Variants in CMC1 observed in about 807,000 individuals in gnomAD.
The protein encoded by CMC1 is C-X9-C motif containing 1.
A neutral mutation model predicts 14.1 loss-of-function variants in CMC1; 14 were observed. The observed-to-expected ratio is 0.99, with a 90% CI of 0.66 to 1.55. The LOEUF (loss-of-function observed/expected upper bound fraction) is 1.55, where lower values mean the gene tolerates loss of function less well. Ranked by LOEUF, CMC1 falls within the 40% of genes most tolerant of loss-of-function variation. The pLI is 0.00. For missense variants in CMC1, 127 were observed against 123.8 expected (o/e 1.03, Z -0.12); for synonymous variants, 50 against 38.4 (o/e 1.30, Z -1.12).
rs1267805030 is a variant in CMC1 at position 28,241,754 on chromosome 3, C to T, written c.-40C>T. ...CCTCCACTCCCCTTCCTGCGTGCCC[C>T]GGAGCCGCCAAGCGGCTACGTTCTT... is the stretch of plus-strand genomic sequence containing the variant. On this transcript the variant is annotated 5_prime_UTR_variant, in exon 1 of 4. Coordinates refer to ENST00000466830, the MANE Select transcript of CMC1 (RefSeq NM_182523.2). The T allele has an allele frequency of 8.1e-7, 1 of 1,241,822 alleles. No individual in the cohort carries two copies. Among genetic ancestry groups the T allele is most frequent in the Non-Finnish European group, 1.0e-6 (1 of 988,090 alleles). 76.9% of individuals were successfully genotyped at this position (1,241,822 alleles called of 1,614,324 possible). A position where few individuals can be genotyped will look rare whatever the true frequency, so the allele number is the denominator to read the frequency against.
At position 28,319,878 on chromosome 3, in the gene CMC1, C is replaced by T. The variant is rs1703131536; in HGVS notation, c.*249C>T. 3 of 279,464 alleles carry T rather than the reference C, an allele frequency of 1.1e-5. No homozygotes were observed. The East Asian group carries it at 2.2e-4, about 20-fold the overall frequency. 17.3% of individuals were successfully genotyped at this position (279,464 alleles called of 1,614,324 possible). A position where few individuals can be genotyped will look rare whatever the true frequency, so the allele number is the denominator to read the frequency against. ...TTTTCCCACAACTATAGTTCTATAA[C>T]AGTGATACTGATTTTTTAGAGTTCA... is the stretch of plus-strand genomic sequence containing the variant. On this transcript the variant is annotated 3_prime_UTR_variant, in exon 4 of 4. Coordinates refer to ENST00000466830, the MANE Select transcript of CMC1 (RefSeq NM_182523.2).
chr3:28,269,737 T>A (rs887963094), intron 2 of CMC1, among the ~76,000 whole-genome samples: 16 of 152,140 alleles, frequency 1.1e-4, no homozygotes, highest in African/African-American at 3.9e-4. Flanking sequence ...CGCTAATGTT[T>A]GTATTTTTAG....
Position 28,270,348 on chromosome 3 carries a change from A to G in CMC1, c.109+6968A>G, listed in dbSNP as rs571411062. Among the ~76,000 whole-genome samples the G allele has an allele frequency of 4.6e-5, 7 of 152,310 alleles. 1 individual carries two copies. The South Asian group carries it at 6.2e-4, about 14-fold the overall frequency. ...AGGAATCACCACACTGTCTTCCACA[A>G]TGGTTGAACTAATTTACATTCCCAC... On this transcript the variant is annotated intron_variant, in intron 2 of 3. Coordinates refer to ENST00000466830, the MANE Select transcript of CMC1 (RefSeq NM_182523.2).
At chr3:28,248,813 A>G (rs12639400) in intron 1 of CMC1, among the ~76,000 whole-genome samples, 10,336 of 152,152 alleles carry the variant, frequency 0.068, 503 homozygotes, top group South Asian at 0.2. Context: ...TTTTTGAGAC[A>G]GAGTCTCGCT....
At chr3:28,292,214 C>T (rs1311769463) in intron 2 of CMC1, among the ~76,000 whole-genome samples, 1 of 152,028 alleles carries the variant, frequency 6.6e-6, no homozygotes, top group Non-Finnish European at 1.5e-5. Flanking sequence ...ATAATACTAT[C>T]ACCCTTTTAT....
chr3:28,280,002 A>G (rs1700796967), intron 2 of CMC1, among the ~76,000 whole-genome samples: 1 of 152,250 alleles, frequency 6.6e-6, no homozygotes, highest in Non-Finnish European at 1.5e-5. Context: ...AAAATTGAAA[A>G]TAGCCCAGAT....
At chr3:28,275,049 C>G (rs1461243213) in intron 2 of CMC1, among the ~76,000 whole-genome samples, 2 of 152,030 alleles carry the variant, frequency 1.3e-5, no homozygotes, top group Non-Finnish European at 2.9e-5. Context: ...CTCCGTTAGC[C>G]CAGTGAAGTT....
rs56153777 is a variant in CMC1 at position 28,258,060 on chromosome 3, T to TTATATATATATATA, written c.20-5218_20-5205dup. Among the ~76,000 whole-genome samples the TTATATATATATATA allele has an allele frequency of 4.4e-3, 593 of 135,340 alleles. 3 individuals are homozygous for TTATATATATATATA. Among genetic ancestry groups the TTATATATATATATA allele is most frequent in the East Asian group, 0.021 (98 of 4,758 alleles). The allele number at this position is 135,340 out of a possible 152,430, so 88.8% of individuals were successfully genotyped here. On this transcript the variant is annotated intron_variant, in intron 1 of 3. Coordinates refer to ENST00000466830, the MANE Select transcript of CMC1 (RefSeq NM_182523.2). ...TCTTGATTAATGATTTTGAGCACCT[T>TTATATATATATATA]TATATATATATATATATATATATAT...
intron 1 of CMC1, among the ~76,000 whole-genome samples, chr3:28,262,034 T>C (rs1699762923): frequency 6.6e-6 from 1 of 152,204 alleles, no homozygotes; most frequent in Non-Finnish European, 1.5e-5. Context: ...TATATCTGAA[T>C]GTCCTTAACC....
intron 2 of CMC1, among the ~76,000 whole-genome samples, chr3:28,297,506 G>A (rs76908570): frequency 0.013 from 2,039 of 152,152 alleles, 23 homozygotes; most frequent in Middle Eastern, 0.031. Context: ...TGCTTTAATA[G>A]TTGTTGAGTG....
At chr3:28,302,553 A>G (rs1335446218) in intron 2 of CMC1, among the ~76,000 whole-genome samples, 5 of 152,222 alleles carry the variant, frequency 3.3e-5, no homozygotes, top group Admixed American at 3.3e-4. Context: ...AAATTCTGGT[A>G]GCACTTAATA....
At chr3:28,246,108 G>A (rs994263900) in intron 1 of CMC1, among the ~76,000 whole-genome samples, 2 of 150,978 alleles carry the variant, frequency 1.3e-5, no homozygotes, top group East Asian at 3.9e-4. Flanking sequence ...TGGCCTATAA[G>A]AAAAATTTTG....
At chr3:28,246,583 A>G (rs1457479065) in intron 1 of CMC1, among the ~76,000 whole-genome samples, 1 of 152,138 alleles carries the variant, frequency 6.6e-6, no homozygotes, top group Non-Finnish European at 1.5e-5. Flanking sequence ...CACATACTGC[A>G]TACATGATGT....
intron 2 of CMC1, among the ~76,000 whole-genome samples, chr3:28,274,746 C>G (rs185598797): frequency 1.3e-5 from 2 of 151,468 alleles, no homozygotes; most frequent in Non-Finnish European, 2.9e-5. Context: ...TTTCAGGTAC[C>G]TTAATCAGTC....
At chr3:28,270,554 T>C (rs1234188321) in intron 2 of CMC1, among the ~76,000 whole-genome samples, 1 of 152,196 alleles carries the variant, frequency 6.6e-6, no homozygotes, top group Non-Finnish European at 1.5e-5. Flanking sequence ...ATAAAGGTCT[T>C]GAAAAGTGTC....
At chr3:28,281,022 A>G (rs147337808) in intron 2 of CMC1, among the ~76,000 whole-genome samples, 1 of 152,318 alleles carries the variant, frequency 6.6e-6, no homozygotes, top group East Asian at 1.9e-4. Flanking sequence ...TATGGCCTAC[A>G]AAGCCTAAAA....
chr3:28,310,244 AT>A (rs1179312432), intron 2 of CMC1, among the ~76,000 whole-genome samples: 1 of 152,202 alleles, frequency 6.6e-6, no homozygotes, highest in Non-Finnish European at 1.5e-5. Context: ...AACTGTTAGC[AT>A]TTGAAGATTA....
intron 1 of CMC1, among the ~76,000 whole-genome samples, chr3:28,255,282 C>A (rs983533839): frequency 2.6e-4 from 39 of 148,862 alleles, no homozygotes; most frequent in Non-Finnish European, 3.3e-4. Context: ...GCTCTGTCTC[C>A]TAGGCTGGAG....
At chr3:28,260,659 T>G (rs989400626) in intron 1 of CMC1, among the ~76,000 whole-genome samples, 49 of 150,236 alleles carry the variant, frequency 3.3e-4, no homozygotes, top group Admixed American at 1.5e-3. Context: ...TTACCCTTTT[T>G]CTGGTTTCTC....
Sources: allele counts gnomAD v4.1 joint callset (sites outside exome capture counted in the v4.1 genomes callset), GRCh38; gene constraint gnomAD v4.1.1; transcripts MANE v1.5; gene names NCBI Gene and HGNC (gene_info 2026-07-23, HGNC 2026-07-21).